The following ATF7IP2 variants were observed in gnomAD, a reference collection of about 807,000 sequenced individuals.
ATF7IP2 encodes activating transcription factor 7-interacting protein 2.
In ATF7IP2, 42 loss-of-function variants were observed where a neutral mutation model predicts 64.2. The observed-to-expected ratio is 0.65, with a 90% CI of 0.51 to 0.85. The LOEUF is 0.85. Among genes scored for constraint, ATF7IP2 ranks in the 40% least tolerant of loss-of-function variants. The pLI, the probability that ATF7IP2 is intolerant of heterozygous loss-of-function variation, is 0.00. For synonymous variants in ATF7IP2, 308 were observed against 272.8 expected (o/e 1.13, Z -1.27); for missense variants, 933 against 784.2 (o/e 1.19, Z -2.27).
chr16:10,393,539 C>T (rs1022842057), intron 1 of ATF7IP2, among the ~76,000 whole-genome samples: 1 of 152,006 alleles, frequency 6.6e-6, no homozygotes, highest in Non-Finnish European at 1.5e-5. Flanking sequence ...TTCAAGACTT[C>T]AGTATAAAAT....
At chr16:10,454,011 T>G (rs7197216) in intron 8 of ATF7IP2, 1 of 150,342 alleles carries the variant, frequency 6.7e-6, no homozygotes, top group African/African-American at 2.5e-5. Flanking sequence ...CCATTCAGTT[T>G]TTTTTTTTTT....
intron 3 of ATF7IP2, among the ~76,000 whole-genome samples, chr16:10,422,697 G>GT (rs34785181): frequency 0.78 from 118,963 of 152,064 alleles, 47,168 homozygotes; most frequent in African/African-American, 0.91. Context: ...TCCCTGAACA[G>GT]TTATTTCACA....
At chr16:10,456,323 T>A (rs1596564551) in intron 8 of ATF7IP2, among the ~76,000 whole-genome samples, 1 of 152,174 alleles carries the variant, frequency 6.6e-6, no homozygotes, top group East Asian at 1.9e-4. Flanking sequence ...ATCAGAAGAG[T>A]ATGCCCCGGA....
chr16:10,447,019 T>A (rs1360571894), intron 8 of ATF7IP2: 3 of 152,008 alleles, frequency 2.0e-5, no homozygotes, highest in Non-Finnish European at 4.4e-5. Context: ...GGAATTTAGG[T>A]CCCTCTTAAC....
chr16:10,396,959 G>A (rs559611488), intron 1 of ATF7IP2, among the ~76,000 whole-genome samples: 13 of 152,082 alleles, frequency 8.5e-5, no homozygotes, highest in African/African-American at 2.7e-4. Context: ...GAGCTACCAC[G>A]CCCAGCCTAC....
intron 8 of ATF7IP2, among the ~76,000 whole-genome samples, chr16:10,456,470 T>C (rs1025952980): frequency 2.0e-5 from 3 of 152,182 alleles, no homozygotes; most frequent in African/African-American, 4.8e-5. Context: ...TTCCCCTGTT[T>C]AGGTTTAGTG....
At chr16:10,480,828 A>G (rs997787992) in intron 12 of ATF7IP2, 51 bp from the exon 13 acceptor site, 1 of 1,202,220 alleles carries the variant, frequency 8.3e-7, no homozygotes, top group East Asian at 2.3e-5. Flanking sequence ...AAGGCTATGG[A>G]ATTGATTATT....
At chr16:10,442,855 T>C (rs2048674943) in intron 8 of ATF7IP2, among the ~76,000 whole-genome samples, 1 of 152,216 alleles carries the variant, frequency 6.6e-6, no homozygotes, top group Admixed American at 6.5e-5. Context: ...ATAGTAGATA[T>C]AATTTATCCA....
chr16:10,450,497 T>TTCC (rs1311802019), intron 8 of ATF7IP2, among the ~76,000 whole-genome samples: 1 of 152,222 alleles, frequency 6.6e-6, no homozygotes, highest in Non-Finnish European at 1.5e-5. Context: ...AATCTGGGTG[T>TTCC]TCCTGCATTG....
Position 10,483,058 on chromosome 16 carries a change from C to G in ATF7IP2, c.*809C>G, listed in dbSNP as rs745438995. ...GAAACGAAATGGCTTCCCATTCTTT[C>G]TATTCAGCTTCTAAGTGGGCTATTC... On this transcript the variant is annotated 3_prime_UTR_variant, in exon 14 of 14. Coordinates refer to ENST00000562102, the MANE Select transcript of ATF7IP2 (RefSeq NM_001393719.1). 3.9e-5 allele frequency: 6 copies of G among 152,338 alleles called. No homozygotes were observed. Among genetic ancestry groups the G allele is most frequent in the Non-Finnish European group, 7.4e-5 (5 of 68,016 alleles). 9.4% of individuals were successfully genotyped at this position (152,338 alleles called of 1,614,324 possible).
chr16:10,452,922 A>C (rs117344225), intron 8 of ATF7IP2, among the ~76,000 whole-genome samples: 3 of 152,130 alleles, frequency 2.0e-5, no homozygotes. Context: ...GCAATGGTCA[A>C]TGCCCCTCCC....
intron 6 of ATF7IP2, among the ~76,000 whole-genome samples, chr16:10,436,028 T>C (rs2048407969): frequency 6.6e-6 from 1 of 152,168 alleles, no homozygotes; most frequent in South Asian, 2.1e-4. Flanking sequence ...TGATGATCCA[T>C]AGAAACCACA....
intron 8 of ATF7IP2, chr16:10,446,664 T>G (rs971946636): frequency 6.6e-6 from 1 of 152,222 alleles, no homozygotes; most frequent in Non-Finnish European, 1.5e-5. Context: ...TATCATCTGT[T>G]GCTTTTTCTT....
chr16:10,474,997 C>T (rs767222802), intron 12 of ATF7IP2, among the ~76,000 whole-genome samples: 29 of 152,134 alleles, frequency 1.9e-4, no homozygotes, highest in Non-Finnish European at 2.8e-4. Context: ...GCCTAGGCAA[C>T]ATAGGGAAAC....
At chr16:10,451,808 C>T (rs748278221) in intron 8 of ATF7IP2, among the ~76,000 whole-genome samples, 2 of 151,898 alleles carry the variant, frequency 1.3e-5, no homozygotes, top group African/African-American at 2.4e-5. Flanking sequence ...CCTGTAATCC[C>T]AGCACTTTGA....
At chr16:10,400,684 C>T (rs1247820834) in intron 1 of ATF7IP2, among the ~76,000 whole-genome samples, 2 of 151,876 alleles carry the variant, frequency 1.3e-5, no homozygotes, top group Admixed American at 1.3e-4. Context: ...CCTTTTTGTG[C>T]GTGTGTGTGT....
chr16:10,433,951 G>T (rs2048337853), intron 6 of ATF7IP2, among the ~76,000 whole-genome samples: 1 of 152,142 alleles, frequency 6.6e-6, no homozygotes, highest in Non-Finnish European at 1.5e-5. Flanking sequence ...CTGTAAGTCA[G>T]ACACTGCATG....
Position 10,483,463 on chromosome 16 carries a change from A to G in ATF7IP2, c.*1214A>G, listed in dbSNP as rs1418268676. 3.3e-5 allele frequency: 5 copies of G among 152,200 alleles called. No individual in the cohort carries two copies. The highest frequency in any genetic ancestry group is 4.1e-4 in the South Asian group (2 of 4,826). 9.4% of individuals were successfully genotyped at this position (152,200 alleles called of 1,614,324 possible). A position where few individuals can be genotyped will look rare whatever the true frequency, so the allele number is the denominator to read the frequency against. On this transcript the variant is annotated 3_prime_UTR_variant, in exon 14 of 14. Transcript: ENST00000562102. Reference sequence around the variant, plus strand: ...GCCCAATGGAGGCAAACTTGAGCAAATAATTGGGATGATAAGAAACAAAAA... The same window carrying G: ...GCCCAATGGAGGCAAACTTGAGCAAGTAATTGGGATGATAAGAAACAAAAA...
chr16:10,469,741 A>G (rs901343973), intron 9 of ATF7IP2, among the ~76,000 whole-genome samples: 14 of 152,202 alleles, frequency 9.2e-5, no homozygotes, highest in Non-Finnish European at 1.9e-4. Context: ...ATGCCACTGC[A>G]CTCCAGCCTG....
Sources: gnomAD v4.1 joint callset for allele counts (sites outside exome capture counted in the v4.1 genomes callset) on GRCh38, gnomAD v4.1.1 for gene constraint, MANE v1.5 for transcripts, NCBI Gene and HGNC (gene_info 2026-07-23, HGNC 2026-07-21) for gene names.